Variants in PAG1 observed in about 807,000 individuals in gnomAD.
PAG1 encodes phosphoprotein membrane anchor with glycosphingolipid microdomains 1, also known as phosphoprotein associated with glycosphingolipid-enriched microdomains 1.
PAG1 carries 23 observed loss-of-function variants against 31.7 expected under a neutral mutation model. The observed-to-expected ratio is 0.73, with a 90% confidence interval of 0.52 to 1.03. PAG1 has a LOEUF of 1.03. Among genes scored for constraint, PAG1 ranks in the 50% least tolerant of loss-of-function variants. The pLI is 0.00. For synonymous variants in PAG1, 214 were observed against 210.3 expected, an observed-to-expected ratio of 1.02 and a Z score of -0.15; for missense variants, 473 against 540.7, an observed-to-expected ratio of 0.87 and a Z score of 1.24.
At chr8:81,082,090 T>C (rs1391145761) in intron 1 of PAG1, among the ~76,000 whole-genome samples, 1 of 151,120 alleles carries the variant, frequency 6.6e-6, no homozygotes, top group Non-Finnish European at 1.5e-5. Context: ...CCATCTCTAC[T>C]AAAAATACAA....
At chr8:80,978,525 C>A (rs79743158) in intron 8 of PAG1, among the ~76,000 whole-genome samples, 1 of 152,172 alleles carries the variant, frequency 6.6e-6, no homozygotes, top group Non-Finnish European at 1.5e-5. Context: ...GACAAATGTA[C>A]CTTGACCTAG....
intron 2 of PAG1, among the ~76,000 whole-genome samples, chr8:81,057,033 A>C (rs370921480): frequency 5.7e-4 from 86 of 152,188 alleles, no homozygotes; most frequent in African/African-American, 1.8e-3. Context: ...CCATCTCACA[A>C]CAGTTAGAAT....
At chr8:81,044,162 TG>T (rs1270278569) in intron 2 of PAG1, among the ~76,000 whole-genome samples, 2 of 152,210 alleles carry the variant, frequency 1.3e-5, no homozygotes, top group African/African-American at 2.4e-5. Flanking sequence ...TCTGAATGCC[TG>T]GGGGCAGTAA....
In PAG1 at chr8:80,998,033, C is replaced by G. The variant is rs74819943; in HGVS notation, c.-80-4726G>C. The stretch of plus-strand genomic sequence containing the variant: ...ATTATTTTGGACTAAAAGGTCCATA[C>G]TCTCTTACCCTTTTATATCCACTAA... On this transcript the variant is annotated intron_variant, in intron 3 of 8. Coordinates refer to ENST00000220597, the MANE Select transcript of PAG1 (RefSeq NM_018440.4). Among the ~76,000 whole-genome samples the G allele has an allele frequency of 4.2e-3, 644 of 152,096 alleles. 29 individuals carry two copies. The East Asian group carries it at 0.1, about 25-fold the overall frequency.
intron 1 of PAG1, among the ~76,000 whole-genome samples, chr8:81,081,483 A>C (rs1272999369): frequency 6.6e-6 from 1 of 152,136 alleles, no homozygotes; most frequent in Non-Finnish European, 1.5e-5. Context: ...ACAACATTAC[A>C]ACTAAGGTAA....
intron 3 of PAG1, among the ~76,000 whole-genome samples, chr8:81,008,537 T>C (rs1163727582): frequency 1.3e-5 from 2 of 148,470 alleles, no homozygotes; most frequent in African/African-American, 4.9e-5. Context: ...ATAATATATA[T>C]AATACTACAT....
rs1257571442 is a variant in PAG1, at chr8:81,020,624, A to C, written c.-81+9372T>G. 2.0e-5 allele frequency among the ~76,000 whole-genome samples: 3 copies of C among 152,042 alleles called. No homozygotes were observed. The South Asian group carries it at 6.2e-4, about 31-fold the overall frequency. On this transcript the variant is annotated intron_variant, in intron 3 of 8. Transcript: ENST00000220597. ...CCATGTGGAACTGTGATTCCATTAA[A>C]CCTCTTTCCTTTATAAATTACCCAG...
intron 2 of PAG1, among the ~76,000 whole-genome samples, chr8:81,054,060 G>A (rs1447450472): frequency 2.0e-5 from 3 of 152,208 alleles, no homozygotes; most frequent in African/African-American, 7.2e-5. Flanking sequence ...GTGCCAGAAT[G>A]TATTCAGCTT....
chr8:81,063,007 G>A (rs1808943067), intron 2 of PAG1, among the ~76,000 whole-genome samples: 1 of 152,154 alleles, frequency 6.6e-6, no homozygotes, highest in South Asian at 2.1e-4. Flanking sequence ...AGAAAGGGAA[G>A]ATGATGAAAA....
intron 1 of PAG1, among the ~76,000 whole-genome samples, chr8:81,108,657 C>T (rs1342599689): frequency 6.6e-6 from 1 of 151,896 alleles, no homozygotes; most frequent in African/African-American, 2.4e-5. Flanking sequence ...TGGGTGATAA[C>T]CTAACACAGC....
chr8:81,043,860 A>G lies in PAG1; in HGVS notation c.-174-13771T>C, dbSNP rs140660797. Among the ~76,000 whole-genome samples, 13 of 152,308 alleles carry G rather than the reference A, an allele frequency of 8.5e-5. No homozygotes were observed. The East Asian group carries it at 2.5e-3, about 29-fold the overall frequency. On this transcript the variant is annotated intron_variant, in intron 2 of 8. Transcript: ENST00000220597. ...TTCTTCTGGATTTCACTACCAATCA[A>G]TTCATTTCTTTTAGTACCTTCTGGG... is the stretch of plus-strand genomic sequence containing the variant.
At chr8:80,993,344 G>C (rs561849243) in intron 3 of PAG1, 37 bp from the exon 4 acceptor site, 3 of 1,059,434 alleles carry the variant, frequency 2.8e-6, no homozygotes, top group East Asian at 2.6e-5. Flanking sequence ...AGTAATTCTC[G>C]GGTAAAGTGG....
At chr8:81,108,231 A>G (rs1263431546) in intron 1 of PAG1, among the ~76,000 whole-genome samples, 1 of 152,212 alleles carries the variant, frequency 6.6e-6, no homozygotes, top group African/African-American at 2.4e-5. Context: ...GCAGGGGAAC[A>G]CTTGAAATTA....
rs1282687495 is a variant in PAG1 at position 80,987,530 on chromosome 8, AGAG to A, written c.178-67_178-65del. On this transcript the variant is annotated intron_variant, in intron 5 of 8. Transcript: ENST00000220597. ...TTGCTAAGAATCTGGACTGCAGAGC[AGAG>A]GAGAAGATCCATGGCTTTTTCAAAA... is the stretch of plus-strand genomic sequence containing the variant. 18 of 1,122,572 alleles carry A rather than the reference AGAG, an allele frequency of 1.6e-5. No individual in the cohort carries two copies. The East Asian group carries it at 1.6e-4, about 10-fold the overall frequency. The allele number at this position is 1,122,572 out of a possible 1,614,324, so 69.5% of individuals were successfully genotyped here. A position where few individuals can be genotyped will look rare whatever the true frequency, so the allele number is the denominator to read the frequency against.
At chr8:81,055,531 T>C (rs1032607302) in intron 2 of PAG1, among the ~76,000 whole-genome samples, 3 of 152,152 alleles carry the variant, frequency 2.0e-5, no homozygotes, top group African/African-American at 7.2e-5. Flanking sequence ...GCATTGAATC[T>C]ATAAGTTACC....
At chr8:81,106,294 C>T (rs1035130688) in intron 1 of PAG1, among the ~76,000 whole-genome samples, 3 of 152,148 alleles carry the variant, frequency 2.0e-5, no homozygotes, top group Non-Finnish European at 2.9e-5. Context: ...GATCCACCCT[C>T]CTCAGCCTCC....
intron 1 of PAG1, among the ~76,000 whole-genome samples, chr8:81,086,317 A>T (rs1254827552): frequency 1.3e-5 from 2 of 152,084 alleles, no homozygotes; most frequent in Non-Finnish European, 2.9e-5. Context: ...TCATAATAGA[A>T]TTTTGCCTTA....
At chr8:81,044,852 T>G (rs1388804615) in intron 2 of PAG1, among the ~76,000 whole-genome samples, 1 of 152,278 alleles carries the variant, frequency 6.6e-6, no homozygotes, top group East Asian at 1.9e-4. Flanking sequence ...TAAGCATGAC[T>G]AGTGTTCCAT....
intron 3 of PAG1, among the ~76,000 whole-genome samples, chr8:81,000,667 C>T (rs1362630219): frequency 6.6e-6 from 1 of 152,136 alleles, no homozygotes; most frequent in Non-Finnish European, 1.5e-5. Context: ...GTCTTGAACT[C>T]CTGATCTCAA....
Sources: allele counts gnomAD v4.1 joint callset (sites outside exome capture counted in the v4.1 genomes callset), GRCh38; gene constraint gnomAD v4.1.1; transcripts MANE v1.5; gene names NCBI Gene and HGNC (gene_info 2026-07-23, HGNC 2026-07-21).